The following TINAGL1 variants were observed in gnomAD, a reference collection of about 807,000 sequenced individuals.
The protein encoded by TINAGL1 is tubulointerstitial nephritis antigen like 1.
A neutral mutation model predicts 62.0 loss-of-function variants in TINAGL1; 34 were observed. The observed-to-expected ratio is 0.55, with a 90% CI of 0.42 to 0.73. TINAGL1 has a LOEUF of 0.73. TINAGL1 is among the 30% of genes least tolerant of loss of function. The pLI, the probability that TINAGL1 is intolerant of heterozygous loss-of-function variation, is 0.00. For missense variants in TINAGL1, 516 were observed against 653.2 expected (o/e 0.79, Z 2.29); for synonymous variants, 221 against 249.7 (o/e 0.88, Z 1.08).
chr1:31,580,418 G>A (rs1028328433), intron 3 of TINAGL1: 30 of 1,289,244 alleles, frequency 2.3e-5, no homozygotes, highest in Non-Finnish European at 2.9e-5. Flanking sequence ...GAAGGCTCTG[G>A]GGGCGAGGGT....
chr1:31,580,864 T>C, intron 3 of TINAGL1: 1 of 1,039,324 alleles, frequency 9.6e-7, no homozygotes, highest in Non-Finnish European at 1.2e-6. Context: ...ACAGACACAG[T>C]CCTTGTCCCA....
rs1639394946 is a variant in TINAGL1 at position 31,586,528 on chromosome 1, G to T, written c.1218-182G>T. ...ACCCCCTCCCATGCTGGGCCTGGGT[G>T]CACCGACTTACAGATGTGAGAGTGA... On this transcript the variant is annotated intron_variant, in intron 10 of 11. Transcript: ENST00000271064. The T allele has an allele frequency of 8.7e-6, 6 of 686,064 alleles. No homozygotes were observed. The South Asian group carries it at 1.0e-4, about 12-fold the overall frequency. 42.5% of individuals were successfully genotyped at this position (686,064 alleles called of 1,614,324 possible). A position where few individuals can be genotyped will look rare whatever the true frequency, so the allele number is the denominator to read the frequency against.
intron 3 of TINAGL1, chr1:31,580,561 G>T: frequency 1.6e-6 from 2 of 1,289,254 alleles, no homozygotes; most frequent in Non-Finnish European, 1.0e-6. Flanking sequence ...AAGCCTTCCC[G>T]GCCCTGCAGA....
At position 31,586,730 on chromosome 1, in the gene TINAGL1, C is replaced by G. The variant is rs1291620126; in HGVS notation, c.1238C>G (p.Pro413Arg). 6.4e-7 allele frequency: 1 copy of G among 1,556,990 alleles called. No homozygotes were observed. Among genetic ancestry groups the G allele is most frequent in the Admixed American group, 1.9e-5 (1 of 51,670 alleles). Residue 413 changes from proline to arginine, a missense_variant, in exon 11 of 12, where the codon CCA (proline) becomes CGA (arginine). Physicochemically the swap from Pro to Arg is moderately radical, Grantham distance 103. Transcript: ENST00000271064. ...CACAGATGGGGAGAGGAGACGCTGC[C>G]AGATGGAAGGACGCTCAAATACTGG... is the stretch of plus-strand genomic sequence containing the variant. ...KITGWGEETL[P>R]DGRTLKYWTA...
chr1:31,581,901 G>GC (rs1639254298), intron 3 of TINAGL1, among the ~76,000 whole-genome samples: 1 of 152,186 alleles, frequency 6.6e-6, no homozygotes. Flanking sequence ...TCAGCATATG[G>GC]CCTCAGTCAT....
intron 10 of TINAGL1, chr1:31,586,395 G>A (rs1044246227): frequency 3.7e-5 from 19 of 515,572 alleles, no homozygotes; most frequent in African/African-American, 3.3e-4. Context: ...AGGGAGGGCA[G>A]GTGGATGTGT....
intron 2 of TINAGL1, among the ~76,000 whole-genome samples, chr1:31,578,970 T>C: frequency 8.1e-6 from 1 of 123,646 alleles, no homozygotes; most frequent in Non-Finnish European, 1.8e-5. Context: ...TGTGATGCCT[T>C]CAGTTATAGT....
At chr1:31,580,430 G>A (rs1160319194) in intron 3 of TINAGL1, 1 of 1,289,322 alleles carries the variant, frequency 7.8e-7, no homozygotes, top group Admixed American at 2.3e-5. Flanking sequence ...GGCGAGGGTG[G>A]GGGAGTGTCC....
At position 31,577,352 on chromosome 1, in the gene TINAGL1, C is replaced by A. The variant is rs756053223; in HGVS notation, c.204C>A (p.Gly68=). 4 of 1,613,978 alleles carry A rather than the reference C, an allele frequency of 2.5e-6. No individual in the cohort carries two copies. Among genetic ancestry groups the A allele is most frequent in the South Asian group, 1.1e-5 (1 of 91,082 alleles). ...RADDCALPYL[G]AICYCDLFCN... ...ACGACTGTGCCCTGCCCTACCTGGGCGCCATCTGTTACTGTGACCTCTTCT... is the reference window on the plus strand; with the variant it reads ...ACGACTGTGCCCTGCCCTACCTGGGAGCCATCTGTTACTGTGACCTCTTCT... Residue 68 remains glycine, a synonymous_variant, in exon 2 of 12, where the codon GGC becomes GGA. Coordinates refer to ENST00000271064, the MANE Select transcript of TINAGL1 (RefSeq NM_022164.3). This position sits in a 1 kb window ranked among gnomAD's most constrained non-coding sequence, Gnocchi z 5.4.
Position 31,583,734 on chromosome 1 carries a change from C to T in TINAGL1, c.582+159C>T. On this transcript the variant is annotated intron_variant, in intron 5 of 11. Coordinates refer to ENST00000271064, the MANE Select transcript of TINAGL1 (RefSeq NM_022164.3). This position sits in a 1 kb window ranked among gnomAD's most constrained non-coding sequence, Gnocchi z 4.4. ...CTCCCCTTCTCTGGGCCTCTGTTCC[C>T]TGCTTCCACAGGATGTGCTGTGCTG... The T allele has an allele frequency of 1.5e-6, 1 of 647,540 alleles. No individual in the cohort carries two copies. Among genetic ancestry groups the T allele is most frequent in the East Asian group, 2.7e-5 (1 of 36,388 alleles). The allele number at this position is 647,540 out of a possible 1,614,324, so 40.1% of individuals were successfully genotyped here.
intron 2 of TINAGL1, among the ~76,000 whole-genome samples, chr1:31,578,752 A>G (rs1639097703): frequency 7.1e-6 from 1 of 140,386 alleles, no homozygotes; most frequent in African/African-American, 2.7e-5. Flanking sequence ...GTCTTCAGTT[A>G]TAGTTTAATT....
In TINAGL1 at chr1:31,586,960, A is replaced by G. The variant is rs1300453391; in HGVS notation, c.1385A>G (p.Glu462Gly). ...GGCGTCTGGGGCCGCGTGGGCATGGAGGACATGGGTCATCACTGAGGCTGC... is the reference window on the plus strand; with the variant it reads ...GGCGTCTGGGGCCGCGTGGGCATGGGGGACATGGGTCATCACTGAGGCTGC... ...VLGVWGRVGM[E>G]DMGHH Residue 462 changes from glutamate (E) to glycine (G), a missense_variant, in exon 12 of 12, where the codon GAG becomes GGG. Coordinates refer to ENST00000271064, the MANE Select transcript of TINAGL1 (RefSeq NM_022164.3). 1.3e-6 allele frequency: 2 copies of G among 1,524,300 alleles called. No homozygotes were observed. Among genetic ancestry groups the G allele is most frequent in the Non-Finnish European group, 1.8e-6 (2 of 1,139,862 alleles). The allele number at this position is 1,524,300 out of a possible 1,614,324, so 94.4% of individuals were successfully genotyped here. A position where few individuals can be genotyped will look rare whatever the true frequency, so the allele number is the denominator to read the frequency against.
Position 31,584,214 on chromosome 1 carries a change from C to A in TINAGL1, c.583-464C>A, listed in dbSNP as rs1047763936. ...AGACCCTGGCCCTGCCCTTATTCCC[C>A]TGGGCCTCTGGCTATTTTCTGCCTC... On this transcript the variant is annotated intron_variant, in intron 5 of 11. Coordinates refer to ENST00000271064, the MANE Select transcript of TINAGL1 (RefSeq NM_022164.3). The surrounding 1 kb of genome is among the most constrained non-coding windows in gnomAD (Gnocchi z 4.0). 2 of 178,574 alleles carry A rather than the reference C, an allele frequency of 1.1e-5. No homozygotes were observed. Among genetic ancestry groups the A allele is most frequent in the Non-Finnish European group, 2.4e-5 (2 of 83,150 alleles). 11.1% of individuals were successfully genotyped at this position (178,574 alleles called of 1,614,324 possible). A position where few individuals can be genotyped will look rare whatever the true frequency, so the allele number is the denominator to read the frequency against.
rs571792351 is a variant in TINAGL1, at chr1:31,585,636, G to T, written c.1094-117G>T. On this transcript the variant is annotated intron_variant, in intron 9 of 11. Coordinates refer to ENST00000271064, the MANE Select transcript of TINAGL1 (RefSeq NM_022164.3). This position sits in a 1 kb window ranked among gnomAD's most constrained non-coding sequence, Gnocchi z 4.3. The stretch of plus-strand genomic sequence containing the variant: ...CCCTCCCACAGGCAGCACCTGGAGG[G>T]AGCACTTAGAGCTTTGGTATGGAGG... 2.0e-5 allele frequency: 30 copies of T among 1,533,656 alleles called. No homozygotes were observed. In the East Asian group the frequency reaches 6.4e-4, roughly 33 times the overall value.
At chr1:31,580,727 A>G (rs144180459) in intron 3 of TINAGL1, 1 of 1,262,744 alleles carries the variant, frequency 7.9e-7, no homozygotes, top group Non-Finnish European at 1.0e-6. Context: ...TCTTGTAATA[A>G]CAGAGTTATG....
rs988638857 is a variant in TINAGL1, at chr1:31,583,810, CT to C, written c.582+236del. ...TCGTGGTCTTGGCATCAGCTCCCCC[CT>C]GATCTCTCCAGCCTGGGAAAAATGC... On this transcript the variant is annotated intron_variant, in intron 5 of 11. Coordinates refer to ENST00000271064, the MANE Select transcript of TINAGL1 (RefSeq NM_022164.3). The surrounding 1 kb of genome is among the most constrained non-coding windows in gnomAD (Gnocchi z 4.4). The C allele has an allele frequency of 4.0e-5, 22 of 550,862 alleles. No individual in the cohort carries two copies. The highest frequency in any genetic ancestry group is 4.7e-4 in the Middle Eastern group (1 of 2,138). 34.1% of individuals were successfully genotyped at this position (550,862 alleles called of 1,614,324 possible).
In TINAGL1 at chr1:31,578,776, G is replaced by A. The variant is rs12047451; in HGVS notation, c.311-428G>A. Among the ~76,000 whole-genome samples the A allele has an allele frequency of 1.9e-4, 25 of 128,430 alleles. No homozygotes were observed. The East Asian group carries it at 5.2e-3, about 27-fold the overall frequency. The allele number at this position is 128,430 out of a possible 152,430, so 84.3% of individuals were successfully genotyped here. On this transcript the variant is annotated intron_variant, in intron 2 of 11. Transcript: ENST00000271064. ...TATAGTTTAATTTCAGTGAGAGCTG[G>A]TGTGTGTGTGTGTGATGTCTTCAGT...
intron 2 of TINAGL1, chr1:31,578,110 G>A (rs968367274): frequency 1.0e-5 from 10 of 984,552 alleles, no homozygotes; most frequent in Middle Eastern, 5.2e-4. Flanking sequence ...AAGGATCCCA[G>A]GAATGTTGTG....
chr1:31,583,614 T>C lies in TINAGL1; in HGVS notation c.582+39T>C. 2 of 1,553,940 alleles carry C rather than the reference T, an allele frequency of 1.3e-6. No homozygotes were observed. Among genetic ancestry groups the C allele is most frequent in the Non-Finnish European group, 1.8e-6 (2 of 1,141,392 alleles). ...TCCCCACAATGCTGCCATCTCCCCATGGCTCAGAACCTCAGGGATGCTGGC... is the reference window on the plus strand; with the variant it reads ...TCCCCACAATGCTGCCATCTCCCCACGGCTCAGAACCTCAGGGATGCTGGC... On this transcript the variant is annotated intron_variant, in intron 5 of 11. Coordinates refer to ENST00000271064, the MANE Select transcript of TINAGL1 (RefSeq NM_022164.3). The surrounding 1 kb of genome is among the most constrained non-coding windows in gnomAD (Gnocchi z 4.4).
Sources: gnomAD v4.1 joint callset for allele counts (sites outside exome capture counted in the v4.1 genomes callset) on GRCh38, gnomAD v4.1.1 for gene constraint, Gnocchi (gnomAD v3.1) non-coding constraint, MANE v1.5 for transcripts, NCBI Gene and HGNC (gene_info 2026-07-23, HGNC 2026-07-21) for gene names.